GHRL: variants seen among roughly 807,000 people sequenced by gnomAD.
GHRL encodes appetite-regulating hormone.
A neutral mutation model predicts 16.9 loss-of-function variants in GHRL; 24 were observed. That is an observed-to-expected ratio of 1.42 (90% confidence interval 1.03 to 2.00). The LOEUF (loss-of-function observed/expected upper bound fraction) is 2.00, where lower values mean the gene tolerates loss of function less well. Among genes scored for constraint, GHRL ranks in the 30% most tolerant of loss-of-function variants. GHRL has a pLI of 0.00. For synonymous variants in GHRL, 63 were observed against 58.2 expected, an observed-to-expected ratio of 1.08 and a Z score of -0.37; for missense variants, 193 against 142.1, an observed-to-expected ratio of 1.36 and a Z score of -1.82.
chr3:10,286,674 C>G (rs1005954459), intron 5 of GHRL, 30 bp downstream of exon 5: 2 of 1,242,014 alleles, frequency 1.6e-6, no homozygotes, highest in African/African-American at 2.9e-5. Context: ...TGCAAGGAAA[C>G]CGAGCAAACC....
At chr3:10,286,307 C>G (rs1279765763) in intron 5 of GHRL, among the ~76,000 whole-genome samples, 1 of 152,186 alleles carries the variant, frequency 6.6e-6, no homozygotes, top group African/African-American at 2.4e-5. Context: ...GCTTAACAGG[C>G]TGCAGAACCT....
Position 10,286,702 on chromosome 3 carries a change from A to G in GHRL, c.334+2T>C. 1 of 1,538,844 alleles carries G rather than the reference A, an allele frequency of 6.5e-7. No individual in the cohort carries two copies. Among genetic ancestry groups the G allele is most frequent in the Non-Finnish European group, 9.0e-7 (1 of 1,111,242 alleles). On this transcript the variant is annotated splice_donor_variant, in intron 5 of 5. Coordinates refer to ENST00000335542, the MANE Select transcript of GHRL (RefSeq NM_016362.5). LOFTEE classifies it high-confidence loss of function. Reference sequence around the variant, plus strand: ...AGCAAACCCAGTCCAGGCAGGACTCACCTTTGGCCTCTTCCCAGAGGATGT... The same window carrying G: ...AGCAAACCCAGTCCAGGCAGGACTCGCCTTTGGCCTCTTCCCAGAGGATGT...
At chr3:10,292,558 C>A in intron 1 of GHRL, 1 of 430,492 alleles carries the variant, frequency 2.3e-6, no homozygotes, top group Non-Finnish European at 4.1e-6. Flanking sequence ...AAACATCTCA[C>A]CACCAACCCA....
intron 4 of GHRL, 50 bp downstream of exon 4, chr3:10,289,712 A>C (rs769009518): frequency 9.0e-7 from 1 of 1,111,360 alleles, no homozygotes; most frequent in Non-Finnish European, 1.4e-6. Flanking sequence ...CTCTCCCCTG[A>C]CCCCACCCTC....
intron 1 of GHRL, 103 bp downstream of exon 1, chr3:10,292,739 C>G (rs983009638): frequency 5.1e-5 from 36 of 709,108 alleles, no homozygotes; most frequent in Non-Finnish European, 6.4e-5. Context: ...AGAAGACTTG[C>G]AGCTTTTTCA....
At position 10,289,163 on chromosome 3, in the gene GHRL, A is replaced by G. The variant is rs540147104; in HGVS notation, c.225+599T>C. On this transcript the variant is annotated intron_variant, in intron 4 of 5. Transcript: ENST00000335542. ...CCACAGCCACAGGAAGGTTGCATAGAAAACCCCGTAAAATCCTTTACTCCC... is the reference window on the plus strand; with the variant it reads ...CCACAGCCACAGGAAGGTTGCATAGGAAACCCCGTAAAATCCTTTACTCCC... 4.6e-5 allele frequency among the ~76,000 whole-genome samples: 7 copies of G among 152,358 alleles called. No homozygotes were observed. In the East Asian group the frequency reaches 9.6e-4, roughly 21 times the overall value.
At chr3:10,286,540 C>A (rs752806777) in intron 5 of GHRL, among the ~76,000 whole-genome samples, 164 bp downstream of exon 5, 1 of 152,340 alleles carries the variant, frequency 6.6e-6, no homozygotes, top group Non-Finnish European at 1.5e-5. Flanking sequence ...CCCTTCTGAG[C>A]CACTCACAAA....
intron 4 of GHRL, chr3:10,287,087 T>C: frequency 3.6e-6 from 1 of 279,006 alleles, no homozygotes; most frequent in South Asian, 5.7e-5. Flanking sequence ...AAAGCTGTGG[T>C]GCCCCCTAGT....
intron 5 of GHRL, among the ~76,000 whole-genome samples, chr3:10,286,370 C>A (rs536319508): frequency 1.3e-5 from 2 of 152,168 alleles, no homozygotes; most frequent in Admixed American, 6.5e-5. Context: ...AGTAAAGTTA[C>A]GCAGTGAAGA....
At chr3:10,289,268 C>G (rs559307097) in intron 4 of GHRL, among the ~76,000 whole-genome samples, 2 of 152,322 alleles carry the variant, frequency 1.3e-5, no homozygotes, top group South Asian at 2.1e-4. Context: ...CCCACACCTG[C>G]CCCCTCCTTG....
intron 5 of GHRL, among the ~76,000 whole-genome samples, chr3:10,286,120 C>A (rs1465195149): frequency 6.6e-6 from 1 of 152,188 alleles, no homozygotes; most frequent in Non-Finnish European, 1.5e-5. Flanking sequence ...GAATGCTACC[C>A]CTGCTGTTCC....
chr3:10,286,893 G>C (rs1341905015), intron 4 of GHRL, 81 bp from the exon 5 acceptor site: 6 of 831,074 alleles, frequency 7.2e-6, no homozygotes, highest in Middle Eastern at 5.4e-4. Flanking sequence ...TGGGCTCTCT[G>C]CCTCTCTTCA....
Position 10,285,895 on chromosome 3 carries a change from CT to C in GHRL, c.335-2del, listed in dbSNP as rs1348784392. On this transcript the variant is annotated splice_acceptor_variant, in intron 5 of 5. Coordinates refer to ENST00000335542, the MANE Select transcript of GHRL (RefSeq NM_016362.5). LOFTEE classifies it high-confidence loss of function. Reference sequence around the variant, plus strand: ...GGCGATCACTTGTCGGCTGGGGCCTCTGGAAAGCAAGAGGTTGAGTAAGAAT... The same window carrying C: ...GGCGATCACTTGTCGGCTGGGGCCTCGGAAAGCAAGAGGTTGAGTAAGAAT... The C allele has an allele frequency of 6.2e-7, 1 of 1,613,350 alleles. No homozygotes were observed. The highest frequency in any genetic ancestry group is 1.1e-5 in the South Asian group (1 of 91,058).
rs557847844 is a variant in GHRL at position 10,291,103 on chromosome 3, T to C, written c.-417A>G. The C allele has an allele frequency of 6.1e-6, 6 of 985,586 alleles. No individual in the cohort carries two copies. Among genetic ancestry groups the C allele is most frequent in the Non-Finnish European group, 7.2e-6 (6 of 830,130 alleles). The allele number at this position is 985,586 out of a possible 1,614,324, so 61.1% of individuals were successfully genotyped here. ...CTGGGTAAAATGAGGCTGTCATCAC[T>C]AGGAGAGCTCTGAGACCTCCCCAGT... is the stretch of plus-strand genomic sequence containing the variant. On this transcript the variant is annotated 5_prime_UTR_variant, in exon 2 of 6. Transcript: ENST00000335542.
At chr3:10,289,154 G>C (rs1009899427) in intron 4 of GHRL, among the ~76,000 whole-genome samples, 5 of 152,222 alleles carry the variant, frequency 3.3e-5, no homozygotes, top group African/African-American at 1.2e-4. Context: ...CCACAGGAAG[G>C]TTGCATAGAA....
At chr3:10,289,430 C>T (rs906482463) in intron 4 of GHRL, among the ~76,000 whole-genome samples, 1 of 152,218 alleles carries the variant, frequency 6.6e-6, no homozygotes, top group East Asian at 1.9e-4. Context: ...TCAGTCTGGG[C>T]CTGCCGTTTA....
At position 10,285,831 on chromosome 3, in the gene GHRL, A is replaced by G; in HGVS notation, c.*44T>C. On this transcript the variant is annotated 3_prime_UTR_variant, in exon 6 of 6. Transcript: ENST00000335542. The stretch of plus-strand genomic sequence containing the variant: ...GCAGAAGCAAGCGAAAAGCCAGATG[A>G]GCGCTTCTAAACTTAGAGAGAGGTG... 2 of 1,573,014 alleles carry G rather than the reference A, an allele frequency of 1.3e-6. No individual in the cohort carries two copies. The highest frequency in any genetic ancestry group is 1.8e-6 in the Non-Finnish European group (2 of 1,142,710).
chr3:10,292,686 AGG>A, intron 1 of GHRL, 154 bp downstream of exon 1: 1 of 594,514 alleles, frequency 1.7e-6, no homozygotes, highest in South Asian at 2.1e-5. Flanking sequence ...GAGCCCAGAG[AGG>A]CTGAATGTGG....
At position 10,289,841 on chromosome 3, in the gene GHRL, T is replaced by G; in HGVS notation, c.146A>C (p.Gln49Pro). Residue 49 changes from glutamine (Q) to proline (P), a missense_variant, in exon 4 of 6, where the codon CAG (glutamine) becomes CCG (proline). Physicochemically the swap from Gln to Pro is moderately conservative, Grantham distance 76 (BLOSUM62 -1). Transcript: ENST00000335542. ...GAGCCAGCCTGCTAGAGCTCGGGGCTGCAGCTTGGCTGGTGGCTTCTTCGA... is the reference window on the plus strand; with the variant it reads ...GAGCCAGCCTGCTAGAGCTCGGGGCGGCAGCTTGGCTGGTGGCTTCTTCGA... The part of the protein sequence containing the change: ...KESKKPPAKL[Q>P]PRALAGWLRP... 6.2e-7 allele frequency: 1 copy of G among 1,613,874 alleles called. No individual in the cohort carries two copies. Among genetic ancestry groups the G allele is most frequent in the Non-Finnish European group, 8.5e-7 (1 of 1,179,902 alleles).
Sources: allele counts gnomAD v4.1 joint callset (sites outside exome capture counted in the v4.1 genomes callset), GRCh38; gene constraint gnomAD v4.1.1; transcripts MANE v1.5; gene names NCBI Gene and HGNC (gene_info 2026-07-23, HGNC 2026-07-21).